Variants in ARHGEF1 observed in about 807,000 individuals in gnomAD.
ARHGEF1 encodes the protein 115 kDa guanine nucleotide exchange factor.
In ARHGEF1, 40 loss-of-function variants were observed where a neutral mutation model predicts 119.7. The ratio of observed to expected loss-of-function variants is 0.33; its 90% CI spans 0.26 to 0.44. The LOEUF (loss-of-function observed/expected upper bound fraction) is 0.44, where lower values mean the gene tolerates loss of function less well. Ranked by LOEUF, ARHGEF1 falls within the 20% of genes least tolerant of loss-of-function variation. ARHGEF1 has a pLI of 1.00. For missense variants in ARHGEF1, 976 were observed against 1,268.3 expected (o/e 0.77, Z 3.50); for synonymous variants, 494 against 521.0 (o/e 0.95, Z 0.71).
Position 41,894,079 on chromosome 19 carries a change from A to C in ARHGEF1, c.645-128A>C, listed in dbSNP as rs781964521. The C allele has an allele frequency of 4.7e-4, 260 of 549,226 alleles. 2 individuals carry two copies. Among genetic ancestry groups the C allele is most frequent in the Non-Finnish European group, 7.2e-4 (249 of 346,148 alleles). 34.0% of individuals were successfully genotyped at this position (549,226 alleles called of 1,614,324 possible). On this transcript the variant is annotated intron_variant, in intron 8 of 28. Transcript: ENST00000354532. ...TCTCACAGGAAGTAGTTGTGGGGTC[A>C]GGATGGGAAGGCCGGGCCTCTGCCT...
Position 41,907,095 on chromosome 19 carries a change from C to T in ARHGEF1, c.*18-10C>T, listed in dbSNP as rs1555850445. 3 of 1,500,240 alleles carry T rather than the reference C, an allele frequency of 2.0e-6. No homozygotes were observed. The highest frequency in any genetic ancestry group is 1.3e-5 in the South Asian group (1 of 77,414). 92.9% of individuals were successfully genotyped at this position (1,500,240 alleles called of 1,614,324 possible). ...TCTCCCCGTCTCCCCTCTTCTCCTA[C>T]ATCCCCCAGGCCTTTTGCAAGAAGG... On this transcript the variant is annotated splice_polypyrimidine_tract_variant and intron_variant, in intron 28 of 28. Coordinates refer to ENST00000354532, the MANE Select transcript of ARHGEF1 (RefSeq NM_004706.4).
In ARHGEF1 at chr19:41,905,779, A is replaced by G. The variant is rs782164424; in HGVS notation, c.2356A>G (p.Ser786Gly). 1.9e-6 allele frequency: 3 copies of G among 1,614,060 alleles called. No individual in the cohort carries two copies. The highest frequency in any genetic ancestry group is 2.2e-5 in the South Asian group (2 of 91,080). ...SPSSTREPLL[S>G]SSENGNGGRE... is the part of the protein sequence containing the mutation. Reference sequence around the variant, plus strand: ...CCTCAGCACCCGAGAACCCCTCCTCAGCAGCTCTGAGAACGGCAATGGTGG... The same window carrying G: ...CCTCAGCACCCGAGAACCCCTCCTCGGCAGCTCTGAGAACGGCAATGGTGG... The change falls in exon 25 of 29, where the codon AGC (serine) becomes GGC (glycine). Residue 786 changes from serine (S) to glycine (G), a missense_variant. Ser to Gly is a moderately conservative substitution (Grantham distance 56). This residue lies in a region of ARHGEF1 where 171 missense variants were observed against 180.6 expected (regional missense o/e 0.95). Transcript: ENST00000354532. This position sits in a 1 kb window ranked among gnomAD's most constrained non-coding sequence, Gnocchi z 6.4.
At chr19:41,913,041 C>T (rs1404764995) in intron 18 of ARHGEF1, 4 of 418,934 alleles carry the variant, frequency 9.5e-6, no homozygotes, top group Non-Finnish European at 1.2e-5. Flanking sequence ...GTCCCCACCC[C>T]AGCCTGACAC....
chr19:41,884,318 G>A lies in ARHGEF1; in HGVS notation c.-20+1029G>A, dbSNP rs1406130569. On this transcript the variant is annotated intron_variant, in intron 1 of 28. Transcript: ENST00000354532. Reference sequence around the variant, plus strand: ...CGGCGGGAGGAGTAGAGTCGTCGGGGCCGGAGCCCGGCAGGAGCCGGGCTA... The same window carrying A: ...CGGCGGGAGGAGTAGAGTCGTCGGGACCGGAGCCCGGCAGGAGCCGGGCTA... 1.1e-5 allele frequency: 13 copies of A among 1,193,846 alleles called. No homozygotes were observed. The East Asian group carries it at 3.3e-4, about 30-fold the overall frequency. 74.0% of individuals were successfully genotyped at this position (1,193,846 alleles called of 1,614,324 possible).
downstream of ARHGEF1, chr19:41,907,597 G>T: frequency 1.6e-6 from 1 of 606,160 alleles, no homozygotes; most frequent in Non-Finnish European, 2.8e-6. Context: ...TGTTTGAACC[G>T]TTACTCCCCA....
chr19:41,907,092 C>CTACA lies in ARHGEF1; in HGVS notation c.*18-11_*18-8dup, dbSNP rs2074714645. On this transcript the variant is annotated splice_polypyrimidine_tract_variant and intron_variant, in intron 28 of 28. Coordinates refer to ENST00000354532, the MANE Select transcript of ARHGEF1 (RefSeq NM_004706.4). ...ATCTCTCCCCGTCTCCCCTCTTCTC[C>CTACA]TACATCCCCCAGGCCTTTTGCAAGA... 6.7e-7 allele frequency: 1 copy of CTACA among 1,497,822 alleles called. No individual in the cohort carries two copies. Among genetic ancestry groups the CTACA allele is most frequent in the South Asian group, 1.3e-5 (1 of 76,878 alleles). The allele number at this position is 1,497,822 out of a possible 1,614,324, so 92.8% of individuals were successfully genotyped here.
At chr19:41,909,237 C>T (rs2074738830), downstream of ARHGEF1, 1 of 1,231,520 alleles carries the variant, frequency 8.1e-7, no homozygotes, top group South Asian at 4.1e-5. The surrounding 1 kb of genome is among the most constrained non-coding windows in gnomAD (Gnocchi z 5.2). Context: ...GAGTGGGCAC[C>T]AAGTGCCTCG....
upstream of ARHGEF1, among the ~76,000 whole-genome samples, chr19:41,921,209 C>T (rs1283212945): frequency 6.6e-6 from 1 of 152,046 alleles, no homozygotes; most frequent in Non-Finnish European, 1.5e-5. The surrounding 1 kb of genome is among the most constrained non-coding windows in gnomAD (Gnocchi z 4.4). Context: ...TGGACCCCGC[C>T]TCCCCTCAGA....
In ARHGEF1 at chr19:41,906,789, T is replaced by G. The variant is rs1555850351; in HGVS notation, c.*3T>G. On this transcript the variant is annotated 3_prime_UTR_variant, in exon 28 of 29. Coordinates refer to ENST00000354532, the MANE Select transcript of ARHGEF1 (RefSeq NM_004706.4). This position sits in a 1 kb window ranked among gnomAD's most constrained non-coding sequence, Gnocchi z 4.5. ...TCCCCCAGCCTGGCTGCACTTGAGG[T>G]TCCCGCCCAGGAAGGTGAGTGGGGC... The G allele has an allele frequency of 6.2e-7, 1 of 1,609,020 alleles. No individual in the cohort carries two copies. Among genetic ancestry groups the G allele is most frequent in the South Asian group, 1.1e-5 (1 of 90,640 alleles).
Position 41,896,391 on chromosome 19 carries a change from C to G in ARHGEF1, c.1030C>G (p.Leu344Val), listed in dbSNP as rs781818152. 1.6e-5 allele frequency: 23 copies of G among 1,438,976 alleles called. No individual in the cohort carries two copies. In the African/African-American group the frequency reaches 3.3e-4, roughly 21 times the overall value. The allele number at this position is 1,438,976 out of a possible 1,614,324, so 89.1% of individuals were successfully genotyped here. Residue 344 changes from leucine (L) to valine (V), a missense_variant, in exon 13 of 29, where the codon CTG becomes GTG. Leu to Val is a conservative substitution (Grantham distance 32). Coordinates refer to ENST00000354532, the MANE Select transcript of ARHGEF1 (RefSeq NM_004706.4). ...CCACCCCACAGGTGCTGACGCCCCC[C>G]TGGAGCTGGGGGACTCATCCCCGCA... Reference protein sequence around the residue: ...PDREPGADAPLELGDSSPQGP... With the variant: ...PDREPGADAPVELGDSSPQGP...
rs782581310 is a variant in ARHGEF1 at position 41,888,238 on chromosome 19, T to C, written c.71T>C (p.Ile24Thr). 1.9e-6 allele frequency: 3 copies of C among 1,614,048 alleles called. No individual in the cohort carries two copies. The highest frequency in any genetic ancestry group is 2.7e-5 in the African/African-American group (2 of 75,024). Residue 24 changes from isoleucine (I) to threonine (T), a missense_variant, in exon 3 of 29, where the codon ATC becomes ACC. This residue lies in a region of ARHGEF1 where 519 missense variants were observed against 580.9 expected (regional missense o/e 0.89). Transcript: ENST00000354532. The surrounding 1 kb of genome is among the most constrained non-coding windows in gnomAD (Gnocchi z 5.1). ...SRPGLVPVSIIGAEDEDFENE... is the reference protein window; with the variant it reads ...SRPGLVPVSITGAEDEDFENE... The stretch of plus-strand genomic sequence containing the variant: ...CCTGGCCTGGTTCCCGTCAGCATCA[T>C]CGGGGCTGAGGATGAGGATTTTGAG...
Position 41,906,397 on chromosome 19 carries a change from TCCCAG to T in ARHGEF1, c.2492-59_2492-55del, listed in dbSNP as rs1686075391. 1 of 1,490,024 alleles carries T rather than the reference TCCCAG, an allele frequency of 6.7e-7. No individual in the cohort carries two copies. The highest frequency in any genetic ancestry group is 1.4e-5 in the African/African-American group (1 of 70,902). The allele number at this position is 1,490,024 out of a possible 1,614,324, so 92.3% of individuals were successfully genotyped here. A position where few individuals can be genotyped will look rare whatever the true frequency, so the allele number is the denominator to read the frequency against. Reference sequence around the variant, plus strand: ...TACACATCCCCTTTGGAATCCCCCATCCCAGATCCCAGCCCAGCCCCCTGGTCTCC... The same window carrying T: ...TACACATCCCCTTTGGAATCCCCCATATCCCAGCCCAGCCCCCTGGTCTCC... On this transcript the variant is annotated intron_variant, in intron 26 of 28. Coordinates refer to ENST00000354532, the MANE Select transcript of ARHGEF1 (RefSeq NM_004706.4). This position sits in a 1 kb window ranked among gnomAD's most constrained non-coding sequence, Gnocchi z 4.5.
chr19:41,895,810 A>G (rs1312555589), intron 12 of ARHGEF1, among the ~76,000 whole-genome samples: 1 of 152,042 alleles, frequency 6.6e-6, no homozygotes, highest in African/African-American at 2.4e-5. Flanking sequence ...TCTGAGCTGC[A>G]TTGCTGGCCC....
intron 1 of ARHGEF1, 72 bp from the exon 2 acceptor site, chr19:41,887,992 A>T: frequency 6.6e-7 from 1 of 1,519,296 alleles, no homozygotes; most frequent in South Asian, 1.2e-5. Flanking sequence ...CACCTGGGCC[A>T]GGAATCTGTG....
chr19:41,910,931 C>T (rs1297609662), downstream of ARHGEF1, among the ~76,000 whole-genome samples: 3 of 152,204 alleles, frequency 2.0e-5, no homozygotes, highest in African/African-American at 7.2e-5. This position sits in a 1 kb window ranked among gnomAD's most constrained non-coding sequence, Gnocchi z 4.4. Flanking sequence ...CCCATCACAA[C>T]ACAGAATTAC....
At chr19:41,909,739 A>T, downstream of ARHGEF1, 2 of 1,080,820 alleles carry the variant, frequency 1.9e-6, no homozygotes, top group Non-Finnish European at 2.6e-6. The surrounding 1 kb of genome is among the most constrained non-coding windows in gnomAD (Gnocchi z 5.2). Context: ...GATGGTGGCT[A>T]CTCACGCACA....
At chr19:41,887,818 C>T (rs558659424) in intron 1 of ARHGEF1, among the ~76,000 whole-genome samples, 3 of 152,218 alleles carry the variant, frequency 2.0e-5, no homozygotes, top group African/African-American at 7.2e-5. Flanking sequence ...CAGACTCAGC[C>T]TTCCCATGGA....
chr19:41,921,667 G>T (rs1217772504), upstream of ARHGEF1, among the ~76,000 whole-genome samples: 2 of 152,108 alleles, frequency 1.3e-5, no homozygotes, highest in African/African-American at 4.8e-5. The surrounding 1 kb of genome is among the most constrained non-coding windows in gnomAD (Gnocchi z 4.4). Flanking sequence ...GGGCAGAGAT[G>T]CGGAAAATTG....
Position 41,901,906 on chromosome 19 carries a change from G to T in ARHGEF1, c.1287G>T (p.Ala429=). ...CTGCAGAGCTGCTGGTGACAGAGGC[G>T]GCCCACGTGCGCATGCTGCGGGTGC... The part of the protein sequence containing the change: ...EVISELLVTE[A]AHVRMLRVLH... Residue 429 remains alanine, a synonymous_variant, in exon 15 of 29, where the codon GCG becomes GCT. Transcript: ENST00000354532. 2 of 1,611,434 alleles carry T rather than the reference G, an allele frequency of 1.2e-6. No homozygotes were observed. Among genetic ancestry groups the T allele is most frequent in the Non-Finnish European group, 1.7e-6 (2 of 1,180,010 alleles).
Sources: allele counts gnomAD v4.1 joint callset (sites outside exome capture counted in the v4.1 genomes callset), GRCh38; gene constraint gnomAD v4.1.1; regional missense constraint gnomAD v4.1.1; non-coding constraint Gnocchi (gnomAD v3.1); transcripts MANE v1.5; gene names NCBI Gene and HGNC (gene_info 2026-07-23, HGNC 2026-07-21).